Variants in MCM5 observed in about 807,000 individuals in gnomAD.
The protein encoded by MCM5 is DNA replication licensing factor MCM5.
MCM5 carries 46 observed loss-of-function variants against 79.9 expected under a neutral mutation model. The observed-to-expected ratio is 0.58, with a 90% confidence interval of 0.45 to 0.74. MCM5 has a LOEUF of 0.74. Ranked by LOEUF, MCM5 falls within the 30% of genes least tolerant of loss-of-function variation. MCM5 has a pLI of 0.00. For synonymous variants in MCM5, 404 were observed against 390.5 expected (o/e 1.03, Z -0.41); for missense variants, 883 against 1,017.0 (o/e 0.87, Z 1.79).
rs2307334 is a variant in MCM5 at position 35,403,526 on chromosome 22, G to C, written c.407G>C (p.Ser136Thr). Residue 136 changes from serine to threonine, a missense_variant, in exon 4 of 17, where the codon AGC (serine) becomes ACC (threonine). By Grantham distance (58) the Ser-to-Thr change is moderately conservative. Coordinates refer to ENST00000216122, the MANE Select transcript of MCM5 (RefSeq NM_006739.4). ...CTCAAGTCGGACGCCAGCCCTTCCA[G>C]CATTCGTAGCCTGAAGGTGGGTCGG... Reference protein sequence around the residue: ...VMLKSDASPSSIRSLKSDMMS... With the variant: ...VMLKSDASPSTIRSLKSDMMS... The C allele has an allele frequency of 1.7e-5, 27 of 1,613,718 alleles. No homozygotes were observed. The African/African-American group carries it at 3.2e-4, about 19-fold the overall frequency.
downstream of MCM5, among the ~76,000 whole-genome samples, chr22:35,428,655 A>G (rs9619542): frequency 0.1 from 15,811 of 152,100 alleles, 2,309 homozygotes; most frequent in African/African-American, 0.33. Context: ...TAAGGTAGTA[A>G]GCTCCCTGTT....
chr22:35,426,165 C>T (rs1027187378), downstream of MCM5, among the ~76,000 whole-genome samples: 2 of 152,076 alleles, frequency 1.3e-5, no homozygotes, highest in African/African-American at 2.4e-5. Context: ...CTGGCTTTTC[C>T]GTGGTAGTTG....
the MCM5 span, among the ~76,000 whole-genome samples, chr22:35,450,984 A>G: frequency 6.6e-6 from 1 of 152,322 alleles, no homozygotes; most frequent in East Asian, 1.9e-4. Context: ...GAGCAAGGGA[A>G]TGAATGATGG....
chr22:35,401,700 C>T (rs1039069757), intron 2 of MCM5: 11 of 470,842 alleles, frequency 2.3e-5, no homozygotes, highest in African/African-American at 1.0e-4. Context: ...CCAGGCACTG[C>T]GCTACAAAGA....
chr22:35,404,983 CTCA>C (rs1456721825), intron 4 of MCM5, among the ~76,000 whole-genome samples: 1 of 150,856 alleles, frequency 6.6e-6, no homozygotes, highest in Non-Finnish European at 1.5e-5. Context: ...TCCTCTTGTA[CTCA>C]TCACCCAGCT....
chr22:35,403,572 GT>G, intron 4 of MCM5, 30 bp downstream of exon 4: 1 of 1,608,370 alleles, frequency 6.2e-7, no homozygotes. Flanking sequence ...CTGCTGCATG[GT>G]GCAGAGGGCT....
the MCM5 span, among the ~76,000 whole-genome samples, chr22:35,447,915 C>T: frequency 3.3e-5 from 5 of 152,196 alleles, no homozygotes; most frequent in Admixed American, 6.5e-5. Context: ...CCTGCCTCCC[C>T]GAGTCCACTC....
At chr22:35,448,945 G>A in the MCM5 span, among the ~76,000 whole-genome samples, 1 of 152,170 alleles carries the variant, frequency 6.6e-6, no homozygotes, top group Non-Finnish European at 1.5e-5. Context: ...CCAGCACTGG[G>A]ACACTCACTT....
chr22:35,401,753 A>G, intron 2 of MCM5: 1 of 469,092 alleles, frequency 2.1e-6, no homozygotes, highest in Non-Finnish European at 4.4e-6. Flanking sequence ...CCTAAGTCAG[A>G]GGAGTGAGTC....
At chr22:35,449,274 C>G in the MCM5 span, among the ~76,000 whole-genome samples, 3 of 152,194 alleles carry the variant, frequency 2.0e-5, no homozygotes, top group South Asian at 2.1e-4. Flanking sequence ...GAAGAACGTT[C>G]TAGGCAAGCA....
At chr22:35,437,105 C>G in the MCM5 span, among the ~76,000 whole-genome samples, 1 of 152,186 alleles carries the variant, frequency 6.6e-6, no homozygotes, top group South Asian at 2.1e-4. Flanking sequence ...CAGAACAGCC[C>G]CAGGAGGATG....
the MCM5 span, among the ~76,000 whole-genome samples, chr22:35,454,407 C>G: frequency 1.3e-4 from 20 of 152,196 alleles, no homozygotes; most frequent in African/African-American, 4.3e-4. Context: ...CCTCCCCTCT[C>G]TCTTCTTTGG....
At chr22:35,424,001 CAG>C (rs1311041824) in intron 16 of MCM5, 151 bp from the exon 17 acceptor site, 2 of 574,574 alleles carry the variant, frequency 3.5e-6, no homozygotes, top group Non-Finnish European at 6.3e-6. Flanking sequence ...CCGTGTGCCT[CAG>C]TGTCTGGTAC....
At chr22:35,451,294 C>T in the MCM5 span, among the ~76,000 whole-genome samples, 12 of 152,112 alleles carry the variant, frequency 7.9e-5, 1 homozygote, top group Non-Finnish European at 4.4e-5. Flanking sequence ...GGAGAACCAG[C>T]AGAGAAGGTT....
chr22:35,423,112 G>C, intron 15 of MCM5, 102 bp from the exon 16 acceptor site: 1 of 1,321,382 alleles, frequency 7.6e-7, no homozygotes, highest in Non-Finnish European at 1.0e-6. Flanking sequence ...CTTACTCTTC[G>C]GGGCCTGGCT....
At chr22:35,444,698 C>T in the MCM5 span, among the ~76,000 whole-genome samples, 3 of 152,174 alleles carry the variant, frequency 2.0e-5, no homozygotes, top group Non-Finnish European at 4.4e-5. Flanking sequence ...ACGTTTATGG[C>T]AGTGATAAGC....
At chr22:35,421,686 C>T in intron 15 of MCM5, 1 of 617,220 alleles carries the variant, frequency 1.6e-6, no homozygotes, top group Non-Finnish European at 2.9e-6. Context: ...CCCTTGAACA[C>T]AATCCTCTTG....
At chr22:35,413,563 T>C (rs1932450352) in intron 8 of MCM5, among the ~76,000 whole-genome samples, 1 of 152,182 alleles carries the variant, frequency 6.6e-6, no homozygotes. Context: ...CTCTGTCCTT[T>C]TCTTTCAAGC....
rs1326710138 is a variant in MCM5 at position 35,425,287 on chromosome 22, G to A, written c.*1032G>A. ...ATATTTGATATTTAAAATACATTTA[G>A]AAATACAAAGTGTCAAGCAAAACGT... On this transcript the variant is annotated 3_prime_UTR_variant, in exon 17 of 17. Transcript: ENST00000216122. 1 of 152,142 alleles carries A rather than the reference G, an allele frequency of 6.6e-6. No individual in the cohort carries two copies. The highest frequency in any genetic ancestry group is 1.5e-5 in the Non-Finnish European group (1 of 68,026). The allele number at this position is 152,142 out of a possible 1,614,324, so 9.4% of individuals were successfully genotyped here.
Sources: allele counts gnomAD v4.1 joint callset (sites outside exome capture counted in the v4.1 genomes callset), GRCh38; gene constraint gnomAD v4.1.1; transcripts MANE v1.5; gene names NCBI Gene and HGNC (gene_info 2026-07-23, HGNC 2026-07-21).